The following PSPC1 variants were observed in gnomAD, a reference collection of about 807,000 sequenced individuals.
PSPC1 encodes the protein paraspeckle component 1.
In PSPC1, 14 loss-of-function variants were observed where a neutral mutation model predicts 51.6. That is an observed-to-expected ratio of 0.27 (90% CI 0.18 to 0.42). PSPC1 has a LOEUF of 0.42. PSPC1 is among the 10% of genes least tolerant of loss of function. PSPC1 has a pLI of 1.00. For missense variants in PSPC1, 406 were observed against 701.1 expected (o/e 0.58, Z 4.75); for synonymous variants, 193 against 231.9 (o/e 0.83, Z 1.53).
intron 6 of PSPC1, among the ~76,000 whole-genome samples, chr13:19,682,383 C>T (rs868580736): frequency 1.4e-5 from 2 of 145,700 alleles, no homozygotes; most frequent in African/African-American, 5.1e-5. Flanking sequence ...TGAGTTTTAA[C>T]ATCAAATGGC....
intron 6 of PSPC1, among the ~76,000 whole-genome samples, chr13:19,681,640 T>C (rs1156469736): frequency 6.6e-6 from 1 of 152,216 alleles, no homozygotes; most frequent in Non-Finnish European, 1.5e-5. Context: ...TAACCAGATG[T>C]TCACTGTTCA....
intron 2 of PSPC1, among the ~76,000 whole-genome samples, chr13:19,763,051 GC>G (rs1887737877): frequency 1.3e-5 from 2 of 151,996 alleles, no homozygotes; most frequent in South Asian, 4.1e-4. Context: ...GTTGCAGTGA[GC>G]TGAGACCGCG....
downstream of PSPC1, among the ~76,000 whole-genome samples, chr13:19,700,787 CAT>C (rs775675054): frequency 1.3e-5 from 2 of 151,920 alleles, no homozygotes; most frequent in African/African-American, 4.8e-5. Context: ...AAAAAGATAG[CAT>C]ATATGACAAC....
intron 2 of PSPC1, among the ~76,000 whole-genome samples, chr13:19,763,187 ACT>A (rs1441571234): frequency 7.3e-5 from 11 of 151,688 alleles, no homozygotes; most frequent in African/African-American, 2.4e-4. Context: ...ACAGTGTCTC[ACT>A]CTGTTGTCTA....
intron 6 of PSPC1, among the ~76,000 whole-genome samples, chr13:19,715,937 C>A (rs577034528): frequency 6.7e-4 from 102 of 152,114 alleles, no homozygotes; most frequent in Middle Eastern, 3.4e-3. Flanking sequence ...TGGCATGAAC[C>A]CGGGAGGCGG....
At chr13:19,769,302 T>A (rs567845132) in intron 2 of PSPC1, among the ~76,000 whole-genome samples, 1 of 151,960 alleles carries the variant, frequency 6.6e-6, no homozygotes, top group South Asian at 2.1e-4. Context: ...ACGCCTGTAA[T>A]CCCAGCACTT....
In PSPC1 at chr13:19,779,039, G is replaced by A. The variant is rs1832085941; in HGVS notation, c.372+3347C>T. 2.2e-5 allele frequency among the ~76,000 whole-genome samples: 3 copies of A among 134,392 alleles called. No individual in the cohort carries two copies. In the South Asian group the frequency reaches 8.5e-4, roughly 38 times the overall value. 88.2% of individuals were successfully genotyped at this position (134,392 alleles called of 152,430 possible). On this transcript the variant is annotated intron_variant, in intron 1 of 8. Coordinates refer to ENST00000338910, the MANE Select transcript of PSPC1 (RefSeq NM_001354909.2). ...TGCCCCGCTGCCCCATCTGGGATGTGAGGAGCGCCTCTGCCCGGCCGAGAC... is the reference window on the plus strand; with the variant it reads ...TGCCCCGCTGCCCCATCTGGGATGTAAGGAGCGCCTCTGCCCGGCCGAGAC...
At chr13:19,744,626 G>A (rs977679880) in intron 4 of PSPC1, among the ~76,000 whole-genome samples, 2 of 151,626 alleles carry the variant, frequency 1.3e-5, no homozygotes, top group Non-Finnish European at 2.9e-5. Context: ...ATGCAATGGC[G>A]AGGTCTCGGC....
At chr13:19,719,059 C>A (rs1158916419) in intron 6 of PSPC1, among the ~76,000 whole-genome samples, 2 of 150,300 alleles carry the variant, frequency 1.3e-5, no homozygotes, top group Non-Finnish European at 3.0e-5. Flanking sequence ...ATAGATTTGT[C>A]AAAACCCTCA....
chr13:19,678,570 C>T (rs1876919520), intron 6 of PSPC1: 1 of 152,166 alleles, frequency 6.6e-6, no homozygotes, highest in Admixed American at 6.5e-5. Flanking sequence ...GTTGTTAAAA[C>T]CCATTTGGGA....
chr13:19,690,916 G>T (rs189161345), intron 6 of PSPC1, among the ~76,000 whole-genome samples: 1 of 152,256 alleles, frequency 6.6e-6, no homozygotes, highest in Admixed American at 6.5e-5. Context: ...TAATGGAGTT[G>T]TCTAAGAATT....
chr13:19,693,784 T>C (rs1477768128), intron 6 of PSPC1, among the ~76,000 whole-genome samples: 3 of 152,228 alleles, frequency 2.0e-5, no homozygotes, highest in East Asian at 3.9e-4. Flanking sequence ...CACCAAGTAA[T>C]TAAGCTCAGG....
At chr13:19,744,158 C>A (rs1885713889) in intron 4 of PSPC1, among the ~76,000 whole-genome samples, 1 of 152,078 alleles carries the variant, frequency 6.6e-6, no homozygotes, top group Non-Finnish European at 1.5e-5. Flanking sequence ...CTCTCAGAGA[C>A]AGGGTCTCAC....
intron 1 of PSPC1, among the ~76,000 whole-genome samples, chr13:19,779,617 C>T (rs1478464461): frequency 1.2e-4 from 5 of 41,292 alleles, no homozygotes; most frequent in Non-Finnish European, 2.2e-4. Flanking sequence ...CGCCTCTGCC[C>T]GGCCGCCCCT....
At chr13:19,711,788 G>A (rs544917052) in intron 6 of PSPC1, among the ~76,000 whole-genome samples, 1 of 150,448 alleles carries the variant, frequency 6.6e-6, no homozygotes, top group South Asian at 2.1e-4. Flanking sequence ...GGGTTGCAAT[G>A]AACCAAGATT....
intron 4 of PSPC1, among the ~76,000 whole-genome samples, chr13:19,749,485 C>T (rs1428059979): frequency 6.7e-6 from 1 of 150,354 alleles, no homozygotes; most frequent in Non-Finnish European, 1.5e-5. Context: ...CGAGATCATG[C>T]CACTGCACTC....
chr13:19,757,600 A>C, intron 3 of PSPC1, among the ~76,000 whole-genome samples: 1 of 152,178 alleles, frequency 6.6e-6, no homozygotes, highest in Non-Finnish European at 1.5e-5. Context: ...TCCTCTCCAT[A>C]GGACATACAC....
At chr13:19,701,716 C>T (rs115085362), downstream of PSPC1, among the ~76,000 whole-genome samples, 1,432 of 152,150 alleles carry the variant, frequency 9.4e-3, 28 homozygotes, top group African/African-American at 0.032. Context: ...TCCAGCAAAA[C>T]AGACACCACT....
At chr13:19,749,667 CTCTG>C (rs1886338746) in intron 4 of PSPC1, among the ~76,000 whole-genome samples, 1 of 145,328 alleles carries the variant, frequency 6.9e-6, no homozygotes, top group Non-Finnish European at 1.5e-5. Context: ...TGGAGTCTCG[CTCTG>C]TCTGTCGCCC....
Sources: allele counts gnomAD v4.1 joint callset (sites outside exome capture counted in the v4.1 genomes callset), GRCh38; gene constraint gnomAD v4.1.1; transcripts MANE v1.5; gene names NCBI Gene and HGNC (gene_info 2026-07-23, HGNC 2026-07-21).